Variants in UNC80 observed in about 807,000 individuals in gnomAD.
The protein encoded by UNC80 is unc-80 subunit of NALCN channel complex.
Under a neutral mutation model 384.6 loss-of-function variants are expected in UNC80, and 164 were observed. The observed-to-expected ratio is 0.43, with a 90% CI of 0.38 to 0.49. UNC80 has a LOEUF of 0.49. Ranked by LOEUF, UNC80 falls within the 20% of genes least tolerant of loss-of-function variation. The pLI, the probability that UNC80 is intolerant of heterozygous loss-of-function variation, is 0.00. For missense variants in UNC80, 3,330 were observed against 4,143.0 expected, an observed-to-expected ratio of 0.80 and a Z score of 5.39; for synonymous variants, 1,486 against 1,527.8, an observed-to-expected ratio of 0.97 and a Z score of 0.64.
chr2:209,917,645 A>G, intron 31 of UNC80, 132 bp from the exon 32 acceptor site: 2 of 1,068,780 alleles, frequency 1.9e-6, no homozygotes, highest in Non-Finnish European at 2.6e-6. Flanking sequence ...TGCTTTTGCC[A>G]GTGCTGGTAG....
At position 209,831,523 on chromosome 2, in the gene UNC80, G is replaced by A. The variant is rs549483297; in HGVS notation, c.2707G>A (p.Ala903Thr). The change falls in exon 16 of 65, where the codon GCC (alanine) becomes ACC (threonine). Residue 903 changes from alanine to threonine, a missense_variant. This residue lies in a region of UNC80 where 937 missense variants were observed against 1,026.8 expected (regional missense o/e 0.91). Transcript: ENST00000673920. The stretch of plus-strand genomic sequence containing the variant: ...AAATGTGGAAGGCATTATCGTCAGC[G>A]CCATGTTTAAATCCCTCATCACACG... The part of the protein sequence containing the change: ...AQNVEGIIVS[A>T]MFKSLITRCA... 25 of 1,551,212 alleles carry A rather than the reference G, an allele frequency of 1.6e-5. No individual in the cohort carries two copies. The Admixed American group carries it at 3.1e-4, about 19-fold the overall frequency.
chr2:209,786,990 T>C (rs1574439053), intron 5 of UNC80, among the ~76,000 whole-genome samples: 2 of 4,482 alleles, frequency 4.5e-4, no homozygotes, highest in African/African-American at 2.6e-4. Context: ...CATATATATA[T>C]ATATATATAT....
chr2:209,919,033 A>G (rs180985678), intron 33 of UNC80, among the ~76,000 whole-genome samples: 223 of 152,282 alleles, frequency 1.5e-3, no homozygotes, highest in African/African-American at 5.2e-3. Flanking sequence ...TAAGAAAAAG[A>G]AGAGAGTTGG....
At chr2:209,787,367 C>T (rs2077508531) in intron 5 of UNC80, among the ~76,000 whole-genome samples, 1 of 152,154 alleles carries the variant, frequency 6.6e-6, no homozygotes, top group South Asian at 2.1e-4. Flanking sequence ...AGCACAGACT[C>T]TAAAGTTAGT....
intron 12 of UNC80, 104 bp downstream of exon 12, chr2:209,819,365 A>C: frequency 7.9e-7 from 1 of 1,259,422 alleles, no homozygotes; most frequent in Non-Finnish European, 1.1e-6. Flanking sequence ...TAGAAATATC[A>C]AACCTTGAAA....
intron 35 of UNC80, among the ~76,000 whole-genome samples, chr2:209,924,331 A>T (rs2090266757): frequency 6.6e-6 from 1 of 152,190 alleles, no homozygotes; most frequent in Non-Finnish European, 1.5e-5. Context: ...AAAGTCCATA[A>T]TAAGCCTTTG....
chr2:209,962,789 C>T (rs909684726), intron 51 of UNC80, among the ~76,000 whole-genome samples: 7 of 152,162 alleles, frequency 4.6e-5, no homozygotes, highest in Non-Finnish European at 8.8e-5. Flanking sequence ...TGAACTTATA[C>T]TAAGCAAAGG....
At chr2:209,930,820 T>C in intron 37 of UNC80, 148 bp from the exon 38 acceptor site, 2 of 580,024 alleles carry the variant, frequency 3.4e-6, no homozygotes, top group South Asian at 2.3e-5. Flanking sequence ...TCACATATAC[T>C]ATATTAAAAT....
At chr2:209,801,364 A>G (rs947590342) in intron 7 of UNC80, among the ~76,000 whole-genome samples, 28 of 132,790 alleles carry the variant, frequency 2.1e-4, no homozygotes, top group African/African-American at 7.6e-4. Flanking sequence ...AGAGACTAGG[A>G]TTGCAACCCC....
Position 209,904,835 on chromosome 2 carries a change from A to G in UNC80, c.4652A>G (p.Tyr1551Cys), listed in dbSNP as rs770083418. Residue 1551 changes from tyrosine to cysteine, a missense_variant, in exon 29 of 65, where the codon TAC becomes TGC. Around this residue, in one of 8 missense-constraint regions of UNC80, gnomAD observed 801 missense variants for 950.8 expected, o/e 0.84. Coordinates refer to ENST00000673920, the MANE Select transcript of UNC80 (RefSeq NM_001371986.1). ...THVDYCHPHC[Y>C]LHHSRSCARL... ...GTTGACTACTGCCATCCCCACTGCT[A>G]CCTGCACCACAGCCGCTCCTGTGCC... The G allele has an allele frequency of 6.4e-7, 1 of 1,551,822 alleles. No individual in the cohort carries two copies. Among genetic ancestry groups the G allele is most frequent in the East Asian group, 2.4e-5 (1 of 40,912 alleles).
In UNC80 at chr2:209,849,473, T is replaced by C; in HGVS notation, c.3477T>C (p.His1159=). The change falls in exon 22 of 65, where the codon CAT becomes CAC. Residue 1159 remains histidine, a synonymous_variant. Transcript: ENST00000673920. ...KRLGCHSFDD[H]LSPNQDGGKS... Reference sequence around the variant, plus strand: ...CAGGTTGCCACAGTTTTGATGATCATCTCTCTCCCAACCAAGATGGTGGAA... The same window carrying C: ...CAGGTTGCCACAGTTTTGATGATCACCTCTCTCCCAACCAAGATGGTGGAA... 6 of 1,550,910 alleles carry C rather than the reference T, an allele frequency of 3.9e-6. No homozygotes were observed. The highest frequency in any genetic ancestry group is 5.2e-6 in the Non-Finnish European group (6 of 1,146,430).
intron 6 of UNC80, among the ~76,000 whole-genome samples, chr2:209,792,122 G>A (rs976865347): frequency 2.6e-5 from 4 of 152,104 alleles, no homozygotes; most frequent in African/African-American, 9.7e-5. Context: ...TGGGCAATAT[G>A]GCAAAACTCT....
chr2:209,787,730 G>A (rs1052123921), intron 5 of UNC80, among the ~76,000 whole-genome samples: 1 of 152,066 alleles, frequency 6.6e-6, no homozygotes, highest in African/African-American at 2.4e-5. Flanking sequence ...AATTATATAC[G>A]CACATAATAC....
chr2:209,933,406 A>G (rs2091029150), intron 38 of UNC80, among the ~76,000 whole-genome samples: 1 of 152,112 alleles, frequency 6.6e-6, no homozygotes, highest in Non-Finnish European at 1.5e-5. Flanking sequence ...GAAGACACAC[A>G]AAAATTTTGA....
intron 7 of UNC80, among the ~76,000 whole-genome samples, chr2:209,812,709 C>T (rs16843726): frequency 0.049 from 7,520 of 152,160 alleles, 442 homozygotes; most frequent in East Asian, 0.23. Flanking sequence ...TCTTTCTTAC[C>T]AGACCACATG....
chr2:209,801,371 C>A (rs958913606), intron 7 of UNC80, among the ~76,000 whole-genome samples: 210 of 143,460 alleles, frequency 1.5e-3, no homozygotes, highest in Admixed American at 3.3e-3. Context: ...AGGATTGCAA[C>A]CCCTGCTTTT....
chr2:209,954,074 C>G, intron 47 of UNC80, 26 bp from the exon 48 acceptor site: 3 of 1,536,248 alleles, frequency 2.0e-6, no homozygotes, highest in Non-Finnish European at 2.6e-6. Context: ...TAAAAGGTGA[C>G]TCGGTTTTCT....
intron 22 of UNC80, among the ~76,000 whole-genome samples, chr2:209,862,436 A>G (rs2083408954): frequency 6.6e-6 from 1 of 152,108 alleles, no homozygotes; most frequent in South Asian, 2.1e-4. Context: ...AAAGTCTCCC[A>G]CTATTATTGT....
intron 29 of UNC80, among the ~76,000 whole-genome samples, chr2:209,911,194 G>C (rs1314902089): frequency 6.6e-6 from 1 of 152,004 alleles, no homozygotes; most frequent in East Asian, 1.9e-4. Flanking sequence ...ACAGAGAGGT[G>C]CCAGTTTTTA....
Sources: gnomAD v4.1 joint callset for allele counts (sites outside exome capture counted in the v4.1 genomes callset) on GRCh38, gnomAD v4.1.1 for gene constraint, gnomAD v4.1.1 regional missense constraint, MANE v1.5 for transcripts, NCBI Gene and HGNC (gene_info 2026-07-23, HGNC 2026-07-21) for gene names.